The following SPOCK1 variants were observed in gnomAD, a reference collection of about 807,000 sequenced individuals.
SPOCK1 encodes SPARC (osteonectin), cwcv and kazal like domains proteoglycan 1.
A neutral mutation model predicts 55.3 loss-of-function variants in SPOCK1; 23 were observed. The observed-to-expected ratio is 0.42, with a 90% CI of 0.30 to 0.59. The LOEUF is 0.59. Ranked by LOEUF, SPOCK1 falls within the 20% of genes least tolerant of loss-of-function variation. The pLI is 0.22. For synonymous variants in SPOCK1, 226 were observed against 221.0 expected (o/e 1.02, Z -0.20); for missense variants, 499 against 552.5 (o/e 0.90, Z 0.97).
At chr5:136,984,771 G>T (rs1750806799) in intron 9 of SPOCK1, among the ~76,000 whole-genome samples, 1 of 152,218 alleles carries the variant, frequency 6.6e-6, no homozygotes, top group African/African-American at 2.4e-5. Context: ...CCTATCCGGG[G>T]AATGGAGGAA....
intron 2 of SPOCK1, among the ~76,000 whole-genome samples, chr5:137,466,904 G>A (rs994247806): frequency 2.0e-5 from 3 of 152,220 alleles, no homozygotes; most frequent in Non-Finnish European, 4.4e-5. Flanking sequence ...CTGCCTCAAG[G>A]TTTCTCACAG....
intron 6 of SPOCK1, among the ~76,000 whole-genome samples, chr5:137,037,805 GGCTGTGGCACA>G (rs1487861582): frequency 6.6e-6 from 1 of 152,226 alleles, no homozygotes; most frequent in Non-Finnish European, 1.5e-5. Context: ...TGATGTTTGA[GGCTGTGGCACA>G]GCTGAGCAGG....
intron 5 of SPOCK1, among the ~76,000 whole-genome samples, chr5:137,077,056 T>C (rs1752782300): frequency 1.3e-5 from 2 of 152,250 alleles, no homozygotes; most frequent in South Asian, 4.1e-4. Flanking sequence ...CCTAAGTAGC[T>C]GGGACTACAG....
At chr5:137,140,440 A>G in intron 4 of SPOCK1, 140 bp downstream of exon 4, 1 of 596,022 alleles carries the variant, frequency 1.7e-6, no homozygotes, top group Non-Finnish European at 3.0e-6. Flanking sequence ...GTCAGAGTAC[A>G]GGCACCAAAC....
chr5:137,257,211 G>C (rs908658382), intron 3 of SPOCK1, among the ~76,000 whole-genome samples: 1 of 152,192 alleles, frequency 6.6e-6, no homozygotes, highest in Non-Finnish European at 1.5e-5. Flanking sequence ...CTAAAGTAAT[G>C]ACTGACATTT....
chr5:137,014,537 C>G (rs571846522), intron 6 of SPOCK1, among the ~76,000 whole-genome samples: 2 of 152,156 alleles, frequency 1.3e-5, no homozygotes, highest in East Asian at 3.9e-4. Flanking sequence ...AAAAAGTGCC[C>G]TTAGACATAA....
At chr5:137,161,933 A>G in intron 3 of SPOCK1, among the ~76,000 whole-genome samples, 1 of 152,044 alleles carries the variant, frequency 6.6e-6, no homozygotes, top group East Asian at 1.9e-4. Context: ...CCCTATTCTC[A>G]TCTTTGGTGA....
At chr5:137,427,143 G>A (rs897930407) in intron 2 of SPOCK1, among the ~76,000 whole-genome samples, 3 of 152,194 alleles carry the variant, frequency 2.0e-5, no homozygotes, top group Admixed American at 6.5e-5. Context: ...GATTCAGAGA[G>A]AGCAGCTGCC....
chr5:137,195,992 T>C (rs993106431), intron 3 of SPOCK1, among the ~76,000 whole-genome samples: 43 of 152,248 alleles, frequency 2.8e-4, no homozygotes, highest in African/African-American at 9.9e-4. Flanking sequence ...GAGAAGAGAA[T>C]AACTCTCTCA....
chr5:137,138,770 G>C (rs1561623714), intron 4 of SPOCK1, among the ~76,000 whole-genome samples: 1 of 151,470 alleles, frequency 6.6e-6, no homozygotes, highest in African/African-American at 2.4e-5. Flanking sequence ...CTTTCCTTGA[G>C]GGTAGGAATA....
At chr5:137,228,673 A>C (rs1396890006) in intron 3 of SPOCK1, among the ~76,000 whole-genome samples, 1 of 152,134 alleles carries the variant, frequency 6.6e-6, no homozygotes, top group Middle Eastern at 3.4e-3. Flanking sequence ...AACAAAAAAA[A>C]CCTAATCATC....
At chr5:137,349,976 G>A (rs940284654) in intron 2 of SPOCK1, among the ~76,000 whole-genome samples, 1 of 152,164 alleles carries the variant, frequency 6.6e-6, no homozygotes, top group East Asian at 1.9e-4. Context: ...TGGAGGGAAG[G>A]GGGATGTTAA....
intron 3 of SPOCK1, among the ~76,000 whole-genome samples, chr5:137,254,585 T>C (rs922533357): frequency 1.1e-4 from 16 of 152,206 alleles, no homozygotes; most frequent in African/African-American, 3.9e-4. Flanking sequence ...GAGAAACATA[T>C]GTAAATATGT....
At chr5:137,171,931 C>T (rs1326886835) in intron 3 of SPOCK1, among the ~76,000 whole-genome samples, 1 of 152,182 alleles carries the variant, frequency 6.6e-6, no homozygotes, top group Non-Finnish European at 1.5e-5. Context: ...ACCAGAGCAG[C>T]TGCTCCTGTC....
chr5:137,139,361 G>A (rs1754048508), intron 4 of SPOCK1, among the ~76,000 whole-genome samples: 1 of 152,162 alleles, frequency 6.6e-6, no homozygotes, highest in South Asian at 2.1e-4. Flanking sequence ...TTCTCTGCCA[G>A]ACCATGATTT....
intron 2 of SPOCK1, among the ~76,000 whole-genome samples, chr5:137,302,660 C>T (rs2916645): frequency 0.85 from 128,816 of 151,916 alleles, 54,776 homozygotes; most frequent in African/African-American, 0.9. Flanking sequence ...CCTAACCCAA[C>T]TATATTTCTT....
intron 2 of SPOCK1, among the ~76,000 whole-genome samples, chr5:137,362,149 C>A (rs1013632710): frequency 6.6e-6 from 1 of 152,142 alleles, no homozygotes; most frequent in African/African-American, 2.4e-5. Flanking sequence ...GAAGCACAAA[C>A]ATGTTCATCA....
chr5:137,319,358 T>C (rs1757938342), intron 2 of SPOCK1, among the ~76,000 whole-genome samples: 1 of 152,226 alleles, frequency 6.6e-6, no homozygotes, highest in Non-Finnish European at 1.5e-5. Context: ...GAAAGATCTA[T>C]TAATTTAAAA....
intron 6 of SPOCK1, among the ~76,000 whole-genome samples, chr5:137,066,963 T>TACACACAC (rs147918575): frequency 0.011 from 1,347 of 126,260 alleles, 8 homozygotes; most frequent in South Asian, 0.023. Flanking sequence ...AACATAAGCA[T>TACACACAC]ACACACACAC....
Sources: allele counts gnomAD v4.1 joint callset (sites outside exome capture counted in the v4.1 genomes callset), GRCh38; gene constraint gnomAD v4.1.1; transcripts MANE v1.5; gene names NCBI Gene and HGNC (gene_info 2026-07-23, HGNC 2026-07-21).